PHLDB3: variants seen among roughly 807,000 people sequenced by gnomAD.
The protein encoded by PHLDB3 is pleckstrin homology-like domain family B member 3.
Under a neutral mutation model 85.7 loss-of-function variants are expected in PHLDB3, and 86 were observed. That is an observed-to-expected ratio of 1.00 (90% CI 0.84 to 1.20). The LOEUF (loss-of-function observed/expected upper bound fraction) is 1.20. Ranked by LOEUF, PHLDB3 falls within the 50% of genes most tolerant of loss-of-function variation. The pLI, the probability that PHLDB3 is intolerant of heterozygous loss-of-function variation, is 0.00. For missense variants in PHLDB3, 995 were observed against 873.0 expected (o/e 1.14, Z -1.76); for synonymous variants, 376 against 349.8 (o/e 1.07, Z -0.83).
At position 43,502,296 on chromosome 19, in the gene PHLDB3, G is replaced by C. The variant is rs1568486553; in HGVS notation, c.214-13C>G. 1 of 1,546,016 alleles carries C rather than the reference G, an allele frequency of 6.5e-7. No individual in the cohort carries two copies. Among genetic ancestry groups the C allele is most frequent in the African/African-American group, 1.4e-5 (1 of 73,622 alleles). On this transcript the variant is annotated splice_polypyrimidine_tract_variant and intron_variant, in intron 2 of 15. Coordinates refer to ENST00000292140, the MANE Select transcript of PHLDB3 (RefSeq NM_198850.4). ...GCGTAGCCTCGGGCTGAAGTTGAGGGGGGCGTGGTTAAGTGGAGATGCCTC... is the reference window on the plus strand; with the variant it reads ...GCGTAGCCTCGGGCTGAAGTTGAGGCGGGCGTGGTTAAGTGGAGATGCCTC...
intron 15 of PHLDB3, 70 bp from the exon 16 acceptor site, chr19:43,475,614 C>T: frequency 6.3e-7 from 1 of 1,591,608 alleles, no homozygotes; most frequent in Non-Finnish European, 8.6e-7. Flanking sequence ...CGAACCCAGC[C>T]TTGCTACTTA....
intron 9 of PHLDB3, among the ~76,000 whole-genome samples, chr19:43,491,297 C>T (rs761200198): frequency 1.3e-5 from 2 of 152,078 alleles, no homozygotes; most frequent in East Asian, 1.9e-4. Context: ...CAAATAATAA[C>T]GGAACCTGCT....
At chr19:43,490,693 C>G (rs1300244191) in intron 9 of PHLDB3, among the ~76,000 whole-genome samples, 1 of 152,198 alleles carries the variant, frequency 6.6e-6, no homozygotes, top group Non-Finnish European at 1.5e-5. Flanking sequence ...CCCAGCACTT[C>G]CTAGCTGGGA....
chr19:43,498,272 G>T (rs1017972112), intron 4 of PHLDB3, among the ~76,000 whole-genome samples: 7 of 152,138 alleles, frequency 4.6e-5, no homozygotes, highest in Non-Finnish European at 7.3e-5. Flanking sequence ...CAGGGAGATT[G>T]AGGCTGCACT....
At chr19:43,493,495 T>C (rs908327033) in intron 9 of PHLDB3, among the ~76,000 whole-genome samples, 1 of 151,168 alleles carries the variant, frequency 6.6e-6, no homozygotes, top group Non-Finnish European at 1.5e-5. Flanking sequence ...AAATCAGCTG[T>C]GTATGGTGGT....
intron 15 of PHLDB3, among the ~76,000 whole-genome samples, chr19:43,476,658 A>AAAAAAG (rs1162004684): frequency 1.3e-5 from 2 of 152,060 alleles, no homozygotes; most frequent in Non-Finnish European, 2.9e-5. Context: ...GCAAGAAAAA[A>AAAAAAG]AAAAAGAAAA....
chr19:43,475,150 A>C lies in PHLDB3; in HGVS notation c.*260T>G. The stretch of plus-strand genomic sequence containing the variant: ...AATTCGGTATCACAGGAGCACCAAT[A>C]AATAGTTTCTTCCCGCCCCTGCAAT... On this transcript the variant is annotated 3_prime_UTR_variant, in exon 16 of 16. Transcript: ENST00000292140. 2.3e-6 allele frequency: 1 copy of C among 433,336 alleles called. No homozygotes were observed. Among genetic ancestry groups the C allele is most frequent in the Non-Finnish European group, 4.2e-6 (1 of 238,414 alleles). 26.8% of individuals were successfully genotyped at this position (433,336 alleles called of 1,614,324 possible).
At chr19:43,489,538 G>A (rs1043407046) in intron 9 of PHLDB3, among the ~76,000 whole-genome samples, 1 of 152,110 alleles carries the variant, frequency 6.6e-6, no homozygotes, top group African/African-American at 2.4e-5. Flanking sequence ...AACAGCGTAG[G>A]AGGGGGAACA....
chr19:43,496,758 G>A (rs1248801422), intron 6 of PHLDB3: 4 of 282,806 alleles, frequency 1.4e-5, no homozygotes, highest in Non-Finnish European at 1.9e-5. Context: ...GGGTGACAGA[G>A]TGAGACGCTA....
Position 43,502,207 on chromosome 19 carries a change from GC to G in PHLDB3, c.289del (p.Ala97ArgfsTer13). The G allele has an allele frequency of 6.4e-7, 1 of 1,567,518 alleles. No individual in the cohort carries two copies. Among genetic ancestry groups the G allele is most frequent in the Non-Finnish European group, 8.6e-7 (1 of 1,156,930 alleles). On this transcript the variant is annotated frameshift_variant, in exon 3 of 16. Coordinates refer to ENST00000292140, the MANE Select transcript of PHLDB3 (RefSeq NM_198850.4). LOFTEE classifies it high-confidence loss of function. ...STSSREGVRG[A>X]ARRLQGQQLE... The stretch of plus-strand genomic sequence containing the variant: ...CTGCTGTCCTTGCAGGCGCCGCGCC[GC>G]CCCTCGCACCCCTTCCCGCGAAGAG...
chr19:43,478,190 C>T (rs375917268), intron 14 of PHLDB3, 58 bp from the exon 15 acceptor site: 7 of 1,377,006 alleles, frequency 5.1e-6, no homozygotes, highest in African/African-American at 1.4e-5. Flanking sequence ...CTGTGTGTGT[C>T]GAGGTGAGGG....
rs202223874 is a variant in PHLDB3, at chr19:43,486,882, G to A, written c.1250-12C>T. 5 of 1,539,422 alleles carry A rather than the reference G, an allele frequency of 3.2e-6. No individual in the cohort carries two copies. The highest frequency in any genetic ancestry group is 2.0e-5 in the Admixed American group (1 of 50,298). On this transcript the variant is annotated splice_polypyrimidine_tract_variant and intron_variant, in intron 10 of 15. Transcript: ENST00000292140. Reference sequence around the variant, plus strand: ...GGCCTCCAGGGATTCTAGGGTAGAGGGGACCAGGTTACAGGGCTGGATACA... The same window carrying A: ...GGCCTCCAGGGATTCTAGGGTAGAGAGGACCAGGTTACAGGGCTGGATACA...
chr19:43,486,764 C>T lies in PHLDB3; in HGVS notation c.1340+16G>A, dbSNP rs1209976429. On this transcript the variant is annotated intron_variant, in intron 11 of 15. Transcript: ENST00000292140. ...GCCTCTTCTTCCATCTCCCCACCTT[C>T]TCTCTGATGTCTCACCTATTCCCAC... 1.2e-6 allele frequency: 2 copies of T among 1,609,084 alleles called. No homozygotes were observed. Among genetic ancestry groups the T allele is most frequent in the African/African-American group, 1.3e-5 (1 of 74,998 alleles).
At chr19:43,478,529 A>C (rs184733254) in intron 14 of PHLDB3, among the ~76,000 whole-genome samples, 9 of 152,340 alleles carry the variant, frequency 5.9e-5, no homozygotes, top group Middle Eastern at 3.4e-3. Context: ...GGCACCCAGC[A>C]CAAGTCACAC....
chr19:43,493,673 C>G (rs2682545), intron 9 of PHLDB3, among the ~76,000 whole-genome samples: 94,754 of 151,770 alleles, frequency 0.62, 29,646 homozygotes, highest in African/African-American at 0.69. Context: ...TCTCAACACA[C>G]AGAAATGATA....
At chr19:43,495,714 A>G in intron 6 of PHLDB3, 94 bp from the exon 7 acceptor site, 1 of 1,477,394 alleles carries the variant, frequency 6.8e-7, no homozygotes. Flanking sequence ...GGTTTACTCC[A>G]GCCACTCCCA....
intron 15 of PHLDB3, among the ~76,000 whole-genome samples, chr19:43,476,618 G>A (rs750722770): frequency 4.0e-5 from 6 of 151,664 alleles, no homozygotes; most frequent in Non-Finnish European, 7.4e-5. Flanking sequence ...AGCTATGATT[G>A]TACCACTGCA....
Position 43,475,517 on chromosome 19 carries a change from C to T in PHLDB3, c.1816G>A (p.Val606Ile), listed in dbSNP as rs895662439. Residue 606 changes from valine to isoleucine, a missense_variant, in exon 16 of 16, where the codon GTC becomes ATC. By Grantham distance (29) the Val-to-Ile change is conservative. Transcript: ENST00000292140. ...TAGAAAAGGCGTTCGTAGGTTTTGA[C>T]GCAGAAGGTCAGGCGGGGGTTGGGG... ...KSPNPRLTFC[V>I]KTYERLFYMV... 1.9e-5 allele frequency: 30 copies of T among 1,613,786 alleles called. No homozygotes were observed. Among genetic ancestry groups the T allele is most frequent in the Non-Finnish European group, 2.5e-5 (29 of 1,179,876 alleles).
At chr19:43,488,304 A>T (rs1971232318) in intron 9 of PHLDB3, among the ~76,000 whole-genome samples, 1 of 151,962 alleles carries the variant, frequency 6.6e-6, no homozygotes, top group Non-Finnish European at 1.5e-5. Flanking sequence ...AAAAAATAGA[A>T]AAATTAGCTG....
Sources: allele counts gnomAD v4.1 joint callset (sites outside exome capture counted in the v4.1 genomes callset), GRCh38; gene constraint gnomAD v4.1.1; transcripts MANE v1.5; gene names NCBI Gene and HGNC (gene_info 2026-07-23, HGNC 2026-07-21).